Variants in PTPN18 observed in about 807,000 individuals in gnomAD.
PTPN18 encodes protein tyrosine phosphatase non-receptor type 18.
Under a neutral mutation model 65.4 loss-of-function variants are expected in PTPN18, and 65 were observed. The ratio of observed to expected loss-of-function variants is 0.99; its 90% CI spans 0.81 to 1.22. The LOEUF (loss-of-function observed/expected upper bound fraction) is 1.22, where lower values mean the gene tolerates loss of function less well. PTPN18 is among the 50% of genes most tolerant of loss of function. PTPN18 has a pLI of 0.00. For synonymous variants in PTPN18, 255 were observed against 267.8 expected, an observed-to-expected ratio of 0.95 and a Z score of 0.47; for missense variants, 616 against 646.5, an observed-to-expected ratio of 0.95 and a Z score of 0.51.
rs553575500 is a variant in PTPN18, at chr2:130,361,102, T to C, written c.414+1456T>C. On this transcript the variant is annotated intron_variant, in intron 5 of 14. Coordinates refer to ENST00000175756, the MANE Select transcript of PTPN18 (RefSeq NM_014369.4). ...ACCAATTAGGTCAACTGACAGACTT[T>C]TTAAAAAGACACTTTTATATCTTTA... Among the ~76,000 whole-genome samples, 173 of 152,350 alleles carry C rather than the reference T, an allele frequency of 1.1e-3. 2 individuals are homozygous for C. Among genetic ancestry groups the C allele is most frequent in the African/African-American group, 3.9e-3 (163 of 41,584 alleles).
At chr2:130,365,344 G>A (rs768450995) in intron 5 of PTPN18, among the ~76,000 whole-genome samples, 1 of 152,122 alleles carries the variant, frequency 6.6e-6, no homozygotes, top group Non-Finnish European at 1.5e-5. Flanking sequence ...ACCTCATTGT[G>A]GTTTTGGTTT....
rs773332388 is a variant in PTPN18, at chr2:130,371,336, A to T, written c.1013+49A>T. 3.4e-6 allele frequency: 5 copies of T among 1,452,146 alleles called. No homozygotes were observed. The African/African-American group carries it at 7.1e-5, about 20-fold the overall frequency. The allele number at this position is 1,452,146 out of a possible 1,614,324, so 90.0% of individuals were successfully genotyped here. A position where few individuals can be genotyped will look rare whatever the true frequency, so the allele number is the denominator to read the frequency against. On this transcript the variant is annotated intron_variant, in intron 12 of 14. Coordinates refer to ENST00000175756, the MANE Select transcript of PTPN18 (RefSeq NM_014369.4). ...CTTCCCTGCCCAATTTCTCAGGCTA[A>T]CCCCTTCTTCATCCTTGGAACACCA...
Position 130,373,653 on chromosome 2 carries a change from AC to A in PTPN18, c.*430del, listed in dbSNP as rs1680650722. 6.4e-6 allele frequency: 1 copy of A among 155,624 alleles called. No homozygotes were observed. The highest frequency in any genetic ancestry group is 2.4e-5 in the African/African-American group (1 of 41,522). 9.6% of individuals were successfully genotyped at this position (155,624 alleles called of 1,614,324 possible). A position where few individuals can be genotyped will look rare whatever the true frequency, so the allele number is the denominator to read the frequency against. ...AGGCAGAACTAAGCCAGGCATAACC[AC>A]AGCCAAGCAGATTAACCCCAGGCAG... On this transcript the variant is annotated 3_prime_UTR_variant, in exon 15 of 15. Transcript: ENST00000175756. The surrounding 1 kb of genome is among the most constrained non-coding windows in gnomAD (Gnocchi z 4.1).
At chr2:130,367,396 T>G (rs13406959) in intron 5 of PTPN18, among the ~76,000 whole-genome samples, 13,494 of 152,108 alleles carry the variant, frequency 0.089, 1,918 homozygotes, top group African/African-American at 0.31. Flanking sequence ...TTCTGGGGCC[T>G]GGTGTGGTGG....
chr2:130,372,687 T>C, intron 13 of PTPN18, 186 bp from the exon 14 acceptor site: 2 of 953,072 alleles, frequency 2.1e-6, no homozygotes, highest in Admixed American at 5.8e-5. Flanking sequence ...AGGGGCAGGG[T>C]TCCTGGCAAT....
chr2:130,364,785 G>C (rs996693656), intron 5 of PTPN18, among the ~76,000 whole-genome samples: 2 of 152,150 alleles, frequency 1.3e-5, no homozygotes, highest in African/African-American at 4.8e-5. Context: ...GACAGAGCGA[G>C]ACTCCGTCTC....
chr2:130,367,927 G>T (rs1680438031), intron 5 of PTPN18, among the ~76,000 whole-genome samples: 1 of 152,018 alleles, frequency 6.6e-6, no homozygotes, highest in Non-Finnish European at 1.5e-5. Flanking sequence ...TTTCTACAGA[G>T]AACTGATTCT....
Position 130,370,622 on chromosome 2 carries a change from AG to A in PTPN18, c.756+1del. 1 of 1,614,180 alleles carries A rather than the reference AG, an allele frequency of 6.2e-7. No homozygotes were observed. The highest frequency in any genetic ancestry group is 8.5e-7 in the Non-Finnish European group (1 of 1,180,036). Reference sequence around the variant, plus strand: ...TATGTGAGGCAGCTGCTCCTGACCCAGGTACGATACAGGCATCCTGTGTGTG... The same window carrying A: ...TATGTGAGGCAGCTGCTCCTGACCCAGTACGATACAGGCATCCTGTGTGTG... The part of the protein sequence containing the change: ...VDYVRQLLLT[Q>X]MIPPDFSLFD... On this transcript the variant is annotated frameshift_variant and splice_region_variant, in exon 9 of 15. Transcript: ENST00000175756. LOFTEE classifies it high-confidence loss of function.
chr2:130,360,206 T>G (rs560684874), intron 5 of PTPN18, among the ~76,000 whole-genome samples: 1 of 152,354 alleles, frequency 6.6e-6, no homozygotes, highest in Admixed American at 6.5e-5. Flanking sequence ...TCTTATGAAC[T>G]CCTAACACAC....
At chr2:130,371,376 C>G (rs1226961376) in intron 12 of PTPN18, 89 bp downstream of exon 12, 1 of 1,173,470 alleles carries the variant, frequency 8.5e-7, no homozygotes, top group Non-Finnish European at 1.2e-6. Flanking sequence ...GTTCCTTGTT[C>G]ACTTCGCCAA....
chr2:130,374,477 T>G lies in PTPN18; in HGVS notation c.*1253T>G, dbSNP rs367565886. The G allele has an allele frequency of 9.6e-5, 35 of 365,196 alleles. No individual in the cohort carries two copies. In the Middle Eastern group the frequency reaches 1.1e-3, roughly 12 times the overall value. The allele number at this position is 365,196 out of a possible 1,614,324, so 22.6% of individuals were successfully genotyped here. ...GCCACCAGGCTCAGCCCCCTAAGAT[T>G]TGAAACACTTTAAATGGCCCATGGT... On this transcript the variant is annotated 3_prime_UTR_variant, in exon 15 of 15. Transcript: ENST00000175756.
chr2:130,370,794 G>T lies in PTPN18; in HGVS notation c.834+12G>T. 1.9e-6 allele frequency: 3 copies of T among 1,613,580 alleles called. No homozygotes were observed. Among genetic ancestry groups the T allele is most frequent in the Non-Finnish European group, 1.7e-6 (2 of 1,179,504 alleles). On this transcript the variant is annotated intron_variant, in intron 10 of 14. Coordinates refer to ENST00000175756, the MANE Select transcript of PTPN18 (RefSeq NM_014369.4). ...CCGTGCAGACAGAGGTGAACCCTGG[G>T]TCTCCTAATCTTCAGGGACAGTGGC...
Position 130,359,595 on chromosome 2 carries a change from C to T in PTPN18, c.376-13C>T, listed in dbSNP as rs373907034. ...CCAAATCACCTTCCTCTCCCCTGACCCTCCTTGTCTAGGTGATCCTGATGG... is the reference window on the plus strand; with the variant it reads ...CCAAATCACCTTCCTCTCCCCTGACTCTCCTTGTCTAGGTGATCCTGATGG... On this transcript the variant is annotated splice_polypyrimidine_tract_variant and intron_variant, in intron 4 of 14. Coordinates refer to ENST00000175756, the MANE Select transcript of PTPN18 (RefSeq NM_014369.4). 35 of 1,613,916 alleles carry T rather than the reference C, an allele frequency of 2.2e-5. No homozygotes were observed. Among genetic ancestry groups the T allele is most frequent in the Non-Finnish European group, 2.5e-5 (29 of 1,179,964 alleles).
intron 2 of PTPN18, 104 bp from the exon 3 acceptor site, chr2:130,359,129 C>T (rs1311151009): frequency 6.6e-7 from 1 of 1,506,818 alleles, no homozygotes; most frequent in African/African-American, 1.4e-5. Flanking sequence ...GGTGGGATCT[C>T]TGCATGTGTG....
At chr2:130,369,393 G>C (rs1323695393) in intron 6 of PTPN18, among the ~76,000 whole-genome samples, 192 bp downstream of exon 6, 1 of 152,186 alleles carries the variant, frequency 6.6e-6, no homozygotes, top group Non-Finnish European at 1.5e-5. Flanking sequence ...GTTAATCTCT[G>C]TCATGTAAAT....
At position 130,372,483 on chromosome 2, in the gene PTPN18, G is replaced by A; in HGVS notation, c.1240G>A (p.Val414Ile). The change falls in exon 13 of 15, where the codon GTT becomes ATT. Residue 414 changes from valine to isoleucine, a missense_variant and splice_region_variant. Physicochemically the swap from Val to Ile is conservative, Grantham distance 29. Coordinates refer to ENST00000175756, the MANE Select transcript of PTPN18 (RefSeq NM_014369.4). ...CGCGAGGGGGACGCTGCCTGGCCGC[G>A]GTGAGTCGAGGCTTGCTCCTTCTCA... ...EDARGTLPGRVPADQSPAGSG... is the reference protein window; with the variant it reads ...EDARGTLPGRIPADQSPAGSG... The A allele has an allele frequency of 7.3e-7, 1 of 1,376,010 alleles. No individual in the cohort carries two copies. The allele number at this position is 1,376,010 out of a possible 1,614,324, so 85.2% of individuals were successfully genotyped here.
intron 1 of PTPN18, chr2:130,356,772 T>TTC: frequency 5.1e-6 from 2 of 389,992 alleles, no homozygotes; most frequent in South Asian, 3.7e-5. Flanking sequence ...TGACCTCGGC[T>TTC]TCTCCCTTGG....
chr2:130,369,300 C>T, intron 6 of PTPN18, 99 bp downstream of exon 6: 1 of 1,111,872 alleles, frequency 9.0e-7, no homozygotes, highest in Non-Finnish European at 1.3e-6. Context: ...ACTCATACTG[C>T]AGGAAACCCT....
At position 130,359,485 on chromosome 2, in the gene PTPN18, G is replaced by T. The variant is rs1558841010; in HGVS notation, c.368G>T (p.Gly123Val). The T allele has an allele frequency of 1.2e-6, 2 of 1,614,146 alleles. No individual in the cohort carries two copies. The highest frequency in any genetic ancestry group is 8.5e-7 in the Non-Finnish European group (1 of 1,180,028). ...TTCTGGAGACTGGTCTGGGAGTTTG[G>T]GGTCAAGGTCAGCACTTGGGGGTGC... is the stretch of plus-strand genomic sequence containing the variant. ...LDFWRLVWEF[G>V]VKVILMACRE... Residue 123 changes from glycine to valine, a missense_variant, in exon 4 of 15, where the codon GGG becomes GTG. Gly to Val is a moderately radical substitution (Grantham distance 109). Around this residue, in one of 3 missense-constraint regions of PTPN18, gnomAD observed 223 missense variants for 210.0 expected, o/e 1.06. Transcript: ENST00000175756.
Sources: gnomAD v4.1 joint callset for allele counts (sites outside exome capture counted in the v4.1 genomes callset) on GRCh38, gnomAD v4.1.1 for gene constraint, gnomAD v4.1.1 regional missense constraint, Gnocchi (gnomAD v3.1) non-coding constraint, MANE v1.5 for transcripts, NCBI Gene and HGNC (gene_info 2026-07-23, HGNC 2026-07-21) for gene names.